The following LFNG variants were observed in gnomAD, a reference collection of about 807,000 sequenced individuals.
The protein encoded by LFNG is LFNG O-fucosylpeptide 3-beta-N-acetylglucosaminyltransferase.
In LFNG, 15 loss-of-function variants were observed where a neutral mutation model predicts 32.7. That is an observed-to-expected ratio of 0.46 (90% CI 0.31 to 0.71). The LOEUF (loss-of-function observed/expected upper bound fraction) is 0.71. Ranked by LOEUF, LFNG falls within the 30% of genes least tolerant of loss-of-function variation. The pLI is 0.06. For missense variants in LFNG, 520 were observed against 545.7 expected (o/e 0.95, Z 0.47); for synonymous variants, 274 against 246.8 (o/e 1.11, Z -1.03).
At chr7:2,514,442 C>A (rs1779559117), upstream of LFNG, among the ~76,000 whole-genome samples, 1 of 152,248 alleles carries the variant, frequency 6.6e-6, no homozygotes, top group Non-Finnish European at 1.5e-5. Flanking sequence ...TCCCAGCCAC[C>A]CGCATGCCTC....
upstream of LFNG, among the ~76,000 whole-genome samples, chr7:2,516,131 C>T (rs940052865): frequency 2.0e-5 from 3 of 152,242 alleles, no homozygotes; most frequent in African/African-American, 7.2e-5. Flanking sequence ...GCGTCTGTGT[C>T]AGGAGAGGAC....
chr7:2,527,696 G>T lies in LFNG; in HGVS notation c.*484G>T. 9.3e-7 allele frequency: 1 copy of T among 1,077,814 alleles called. No homozygotes were observed. Among genetic ancestry groups the T allele is most frequent in the Non-Finnish European group, 1.1e-6 (1 of 883,124 alleles). 66.8% of individuals were successfully genotyped at this position (1,077,814 alleles called of 1,614,324 possible). A position where few individuals can be genotyped will look rare whatever the true frequency, so the allele number is the denominator to read the frequency against. ...TCACTGAGCCATGCTCATTGCAGGG[G>T]AGGCTGGGTCTGGGGGTGCGTGACC... On this transcript the variant is annotated 3_prime_UTR_variant, in exon 8 of 8. Transcript: ENST00000222725. The surrounding 1 kb of genome is among the most constrained non-coding windows in gnomAD (Gnocchi z 4.4).
upstream of LFNG, among the ~76,000 whole-genome samples, chr7:2,515,503 G>A (rs572329774): frequency 6.6e-6 from 1 of 152,340 alleles, no homozygotes; most frequent in South Asian, 2.1e-4. Flanking sequence ...GGTGCCTCAG[G>A]CCAGGATGCC....
upstream of LFNG, chr7:2,513,072 T>G (rs1583266723): frequency 1.5e-6 from 2 of 1,345,842 alleles, no homozygotes; most frequent in East Asian, 4.6e-5. Context: ...CACAGTGGGT[T>G]CTCCCTCGTC....
At chr7:2,514,126 T>G (rs1272327386), upstream of LFNG, among the ~76,000 whole-genome samples, 3 of 152,186 alleles carry the variant, frequency 2.0e-5, no homozygotes, top group Non-Finnish European at 2.9e-5. Context: ...CACTGGGAAT[T>G]CACCTTCAGC....
At chr7:2,517,674 GCACC>G (rs1356245154), upstream of LFNG, 3 of 458,924 alleles carry the variant, frequency 6.5e-6, no homozygotes, top group Admixed American at 7.0e-5. Flanking sequence ...GGGTGGCATG[GCACC>G]CACCATCGGT....
upstream of LFNG, chr7:2,518,464 G>T: frequency 4.9e-6 from 4 of 820,346 alleles, no homozygotes; most frequent in East Asian, 2.4e-5. Flanking sequence ...GTCCTTAGCG[G>T]GGGGAGAGGG....
At chr7:2,525,658 C>G (rs1321469622) in intron 4 of LFNG, 27 bp from the exon 5 acceptor site, 1 of 1,612,702 alleles carries the variant, frequency 6.2e-7, no homozygotes, top group African/African-American at 1.3e-5. Context: ...GCGCCTGGGT[C>G]TCAGGACACC....
rs760652021 is a variant in LFNG, at chr7:2,520,298, G to A, written c.432+5G>A. ...ATCTCGCGCCACAAGGAGATGGTGAGCCCCCCGCGGCCTGGACTGGCGGGC... is the reference window on the plus strand; with the variant it reads ...ATCTCGCGCCACAAGGAGATGGTGAACCCCCCGCGGCCTGGACTGGCGGGC... On this transcript the variant is annotated splice_donor_5th_base_variant and intron_variant, in intron 1 of 7. Coordinates refer to ENST00000222725, the MANE Select transcript of LFNG (RefSeq NM_001040167.2). The surrounding 1 kb of genome is among the most constrained non-coding windows in gnomAD (Gnocchi z 5.0). 2 of 1,607,032 alleles carry A rather than the reference G, an allele frequency of 1.2e-6. No homozygotes were observed. Among genetic ancestry groups the A allele is most frequent in the South Asian group, 1.1e-5 (1 of 90,826 alleles).
In LFNG at chr7:2,527,585, T is replaced by A. The variant is rs1014926212; in HGVS notation, c.*373T>A. On this transcript the variant is annotated 3_prime_UTR_variant, in exon 8 of 8. Transcript: ENST00000222725. The surrounding 1 kb of genome is among the most constrained non-coding windows in gnomAD (Gnocchi z 4.4). Reference sequence around the variant, plus strand: ...TGCAGGGATGCGATGCGTAGGTGCCTTTCTCTTCCTGCTGACCACAAGCTC... The same window carrying A: ...TGCAGGGATGCGATGCGTAGGTGCCATTCTCTTCCTGCTGACCACAAGCTC... 5.0e-6 allele frequency: 6 copies of A among 1,201,232 alleles called. No homozygotes were observed. Among genetic ancestry groups the A allele is most frequent in the Non-Finnish European group, 5.3e-6 (5 of 952,280 alleles). 74.4% of individuals were successfully genotyped at this position (1,201,232 alleles called of 1,614,324 possible).
upstream of LFNG, among the ~76,000 whole-genome samples, chr7:2,514,807 G>A (rs1228571006): frequency 1.2e-4 from 6 of 48,040 alleles, no homozygotes; most frequent in South Asian, 8.0e-4. Context: ...TTCATCTGTC[G>A]GTCTGTCTGT....
chr7:2,522,393 G>A (rs1779816946), intron 1 of LFNG, among the ~76,000 whole-genome samples: 1 of 152,160 alleles, frequency 6.6e-6, no homozygotes, highest in Non-Finnish European at 1.5e-5. Context: ...CGCTGAGATG[G>A]GCCTGGAGTC....
rs1312969177 is a variant in LFNG at position 2,528,288 on chromosome 7, G to A, written c.*1076G>A. The A allele has an allele frequency of 7.1e-6, 7 of 986,002 alleles. No homozygotes were observed. The highest frequency in any genetic ancestry group is 3.5e-5 in the African/African-American group (2 of 57,224). The allele number at this position is 986,002 out of a possible 1,614,324, so 61.1% of individuals were successfully genotyped here. A position where few individuals can be genotyped will look rare whatever the true frequency, so the allele number is the denominator to read the frequency against. ...GGGCCCAGCATGGCTCACCTGTCCC[G>A]TGGGCTGTGTTTCTTGTTGTTTTTC... On this transcript the variant is annotated 3_prime_UTR_variant, in exon 8 of 8. Transcript: ENST00000222725.
At position 2,527,077 on chromosome 7, in the gene LFNG, G is replaced by C; in HGVS notation, c.1074-69G>C. 1.3e-6 allele frequency: 2 copies of C among 1,520,578 alleles called. No homozygotes were observed. The highest frequency in any genetic ancestry group is 1.8e-6 in the Non-Finnish European group (2 of 1,099,682). 94.2% of individuals were successfully genotyped at this position (1,520,578 alleles called of 1,614,324 possible). A position where few individuals can be genotyped will look rare whatever the true frequency, so the allele number is the denominator to read the frequency against. ...CTCGGGGTGGGGCCGCCAGTGTTGT[G>C]GGACTGCAAATGGGAGCTCAGCACC... On this transcript the variant is annotated intron_variant, in intron 7 of 7. Transcript: ENST00000222725. The surrounding 1 kb of genome is among the most constrained non-coding windows in gnomAD (Gnocchi z 4.4).
Position 2,527,349 on chromosome 7 carries a change from T to TGTGTAC in LFNG, c.*138_*143dup, listed in dbSNP as rs964544558. The TGTGTAC allele has an allele frequency of 1.3e-6, 2 of 1,524,478 alleles. No individual in the cohort carries two copies. The highest frequency in any genetic ancestry group is 2.7e-5 in the African/African-American group (2 of 72,748). 94.4% of individuals were successfully genotyped at this position (1,524,478 alleles called of 1,614,324 possible). A position where few individuals can be genotyped will look rare whatever the true frequency, so the allele number is the denominator to read the frequency against. On this transcript the variant is annotated 3_prime_UTR_variant, in exon 8 of 8. Coordinates refer to ENST00000222725, the MANE Select transcript of LFNG (RefSeq NM_001040167.2). This position sits in a 1 kb window ranked among gnomAD's most constrained non-coding sequence, Gnocchi z 4.4. ...GCGTGTGCGTGTGCGTGTGTGTGTG[T>TGTGTAC]GTGTACTGCATGCCCACCCGGGTAG...
chr7:2,518,411 AGGGGTGGGGCCCCT>A (rs1163635443), upstream of LFNG: 10 of 689,652 alleles, frequency 1.5e-5, no homozygotes, highest in East Asian at 2.7e-4. Context: ...TACAGGGGCT[AGGGGTGGGGCCCCT>A]GGGGCCCTAA....
chr7:2,512,745 C>T (rs1338087144), intron 1 of LFNG: 2 of 1,588,154 alleles, frequency 1.3e-6, no homozygotes, highest in Non-Finnish European at 8.6e-7. Flanking sequence ...CCACTCAGAG[C>T]CGTCCCTCTT....
rs1212232896 is a variant in LFNG at position 2,525,876 on chromosome 7, GT to G, written c.821+107del. ...CCATGGGGTGTCCCCAGCCTCCTGT[GT>G]GGCACTGCCCACTTACTTCCTATAT... On this transcript the variant is annotated intron_variant, in intron 5 of 7. Transcript: ENST00000222725. The G allele has an allele frequency of 1.0e-5, 10 of 966,686 alleles. 1 individual carries two copies. The East Asian group carries it at 2.6e-4, about 25-fold the overall frequency. 59.9% of individuals were successfully genotyped at this position (966,686 alleles called of 1,614,324 possible).
In LFNG at chr7:2,524,675, G is replaced by T. The variant is rs1241309705; in HGVS notation, c.433-20G>T. The T allele has an allele frequency of 1.3e-6, 2 of 1,574,950 alleles. No homozygotes were observed. The highest frequency in any genetic ancestry group is 3.7e-5 in the Admixed American group (2 of 54,616). On this transcript the variant is annotated intron_variant, in intron 1 of 7. Coordinates refer to ENST00000222725, the MANE Select transcript of LFNG (RefSeq NM_001040167.2). ...TGGGGATGAAGGGCTGCCTGCTGAA[G>T]GCCGATTTTCTCCTTCCAGACGTTC...
Sources: gnomAD v4.1 joint callset for allele counts (sites outside exome capture counted in the v4.1 genomes callset) on GRCh38, gnomAD v4.1.1 for gene constraint, Gnocchi (gnomAD v3.1) non-coding constraint, MANE v1.5 for transcripts, NCBI Gene and HGNC (gene_info 2026-07-23, HGNC 2026-07-21) for gene names.